Variants in EPN1 observed in about 807,000 individuals in gnomAD.
EPN1 encodes epsin 1, also known as epsin-1.
EPN1 carries 25 observed loss-of-function variants against 56.9 expected under a neutral mutation model. The ratio of observed to expected loss-of-function variants is 0.44; its 90% CI spans 0.32 to 0.61. EPN1 has a LOEUF of 0.61. Ranked by LOEUF, EPN1 falls within the 20% of genes least tolerant of loss-of-function variation. EPN1 has a pLI of 0.05. For synonymous variants in EPN1, 411 were observed against 361.8 expected (o/e 1.14, Z -1.54); for missense variants, 785 against 823.7 (o/e 0.95, Z 0.58).
chr19:55,699,091 G>A lies in EPN1; in HGVS notation c.*3735G>A, dbSNP rs1237700933. The A allele has an allele frequency of 6.6e-6, 1 of 152,082 alleles. No homozygotes were observed. The highest frequency in any genetic ancestry group is 2.4e-5 in the African/African-American group (1 of 41,388). 9.4% of individuals were successfully genotyped at this position (152,082 alleles called of 1,614,324 possible). ...TTTTTATTATACTTTAAGTTCTAGG[G>A]TACCTATGCACAACGCGCAGGTTTG... On this transcript the variant is annotated 3_prime_UTR_variant, in exon 11 of 11. Coordinates refer to ENST00000270460, the MANE Select transcript of EPN1 (RefSeq NM_001130072.2).
rs1371435187 is a variant in EPN1, at chr19:55,698,082, C to T, written c.*2726C>T. On this transcript the variant is annotated 3_prime_UTR_variant, in exon 11 of 11. Transcript: ENST00000270460. ...AAGGCAGGCCAGGGTGATCAGAGGTCACCTGGGGATGGTGGAGGCTGAAGA... is the reference window on the plus strand; with the variant it reads ...AAGGCAGGCCAGGGTGATCAGAGGTTACCTGGGGATGGTGGAGGCTGAAGA... 1 of 148,468 alleles carries T rather than the reference C, an allele frequency of 6.7e-6. No homozygotes were observed. Among genetic ancestry groups the T allele is most frequent in the Non-Finnish European group, 1.5e-5 (1 of 67,518 alleles). 9.2% of individuals were successfully genotyped at this position (148,468 alleles called of 1,614,324 possible).
intron 3 of EPN1, among the ~76,000 whole-genome samples, chr19:55,688,252 A>C (rs982312053): frequency 7.9e-5 from 12 of 151,972 alleles, no homozygotes; most frequent in Non-Finnish European, 1.5e-5. Context: ...GGTTGCTGAG[A>C]GGATGCTGCA....
intron 6 of EPN1, among the ~76,000 whole-genome samples, 153 bp downstream of exon 6, chr19:55,690,103 C>T (rs1267867115): frequency 6.6e-6 from 1 of 152,240 alleles, no homozygotes; most frequent in South Asian, 2.1e-4. Flanking sequence ...CCTCTCTGTG[C>T]CTCTCCCTCC....
intron 1 of EPN1, chr19:55,677,632 G>A (rs1286026446): frequency 1.3e-6 from 2 of 1,551,652 alleles, no homozygotes; most frequent in African/African-American, 1.4e-5. Context: ...CAGGGACCCA[G>A]GCAGTGGGGC....
In EPN1 at chr19:55,695,306, A is replaced by G. The variant is rs755464988; in HGVS notation, c.1681A>G (p.Met561Val). 3.2e-6 allele frequency: 5 copies of G among 1,543,664 alleles called. No individual in the cohort carries two copies. The highest frequency in any genetic ancestry group is 1.7e-4 in the Middle Eastern group (1 of 5,888). Residue 561 changes from methionine (M) to valine (V), a missense_variant, in exon 11 of 11, where the codon ATG becomes GTG. Coordinates refer to ENST00000270460, the MANE Select transcript of EPN1 (RefSeq NM_001130072.2). This position sits in a 1 kb window ranked among gnomAD's most constrained non-coding sequence, Gnocchi z 4.4. ...PLGGGPGLPP[M>V]MPPGPPAPNT... is the part of the protein sequence containing the mutation. The stretch of plus-strand genomic sequence containing the variant: ...TGGCGGGGGCCCTGGCCTGCCCCCC[A>G]TGATGCCCCCGGGCCCCCCGGCCCC...
intron 6 of EPN1, among the ~76,000 whole-genome samples, chr19:55,690,222 C>T (rs1006068441): frequency 1.3e-5 from 2 of 152,258 alleles, no homozygotes; most frequent in Non-Finnish European, 2.9e-5. Context: ...CCACCGGCCG[C>T]CACAGCTGAA....
rs1985930728 is a variant in EPN1, at chr19:55,683,056, G to GT, written c.229-2334dup. On this transcript the variant is annotated intron_variant, in intron 2 of 10. Coordinates refer to ENST00000270460, the MANE Select transcript of EPN1 (RefSeq NM_001130072.2). The stretch of plus-strand genomic sequence containing the variant: ...AGGTGTGAGCCACCGCGCCCAGCCT[G>GT]TTTTTTGTTTTTTCTTGAAATGGAG... Among the ~76,000 whole-genome samples the GT allele has an allele frequency of 2.7e-5, 4 of 150,246 alleles. No individual in the cohort carries two copies. In the South Asian group the frequency reaches 6.3e-4, roughly 24 times the overall value.
At position 55,695,704 on chromosome 19, in the gene EPN1, G is replaced by A. The variant is rs1170857155; in HGVS notation, c.*348G>A. 2.1e-5 allele frequency: 6 copies of A among 280,670 alleles called. No homozygotes were observed. In the East Asian group the frequency reaches 3.4e-4, roughly 16 times the overall value. 17.4% of individuals were successfully genotyped at this position (280,670 alleles called of 1,614,324 possible). ...CTCACGCACCCGCTCACGCACCCTC[G>A]GTGAATCCTTGGTGATGATTTTGGC... is the stretch of plus-strand genomic sequence containing the variant. On this transcript the variant is annotated 3_prime_UTR_variant, in exon 11 of 11. Transcript: ENST00000270460. The surrounding 1 kb of genome is among the most constrained non-coding windows in gnomAD (Gnocchi z 4.4).
In EPN1 at chr19:55,703,432, T is replaced by A. The variant is rs1172578590; in HGVS notation, c.*8076T>A. ...TCTGCCTCCCGGGTTTAAGCGATTC[T>A]CCTGCTTCAGCCTCTCAAGTAGCTG... On this transcript the variant is annotated 3_prime_UTR_variant, in exon 11 of 11. Coordinates refer to ENST00000270460, the MANE Select transcript of EPN1 (RefSeq NM_001130072.2). 6.6e-6 allele frequency: 1 copy of A among 152,250 alleles called. No homozygotes were observed. The highest frequency in any genetic ancestry group is 1.5e-5 in the Non-Finnish European group (1 of 68,114). The allele number at this position is 152,250 out of a possible 1,614,324, so 9.4% of individuals were successfully genotyped here.
rs1475899222 is a variant in EPN1 at position 55,708,595 on chromosome 19, A to G, written c.*13239A>G. The G allele has an allele frequency of 3.6e-5, 7 of 194,308 alleles. No individual in the cohort carries two copies. Among genetic ancestry groups the G allele is most frequent in the Non-Finnish European group, 7.3e-5 (7 of 96,138 alleles). The allele number at this position is 194,308 out of a possible 1,614,324, so 12.0% of individuals were successfully genotyped here. On this transcript the variant is annotated 3_prime_UTR_variant, in exon 11 of 11. Coordinates refer to ENST00000270460, the MANE Select transcript of EPN1 (RefSeq NM_001130072.2). The stretch of plus-strand genomic sequence containing the variant: ...GTGGTGCCTACAAATGCATGCTCCT[A>G]CACACCAAGACATCCATTAAGAAAA...
intron 2 of EPN1, among the ~76,000 whole-genome samples, chr19:55,685,113 ATGAT>A (rs1392446459): frequency 6.6e-6 from 1 of 152,234 alleles, no homozygotes; most frequent in Non-Finnish European, 1.5e-5. Flanking sequence ...CCCATTCTGG[ATGAT>A]TCACGTCGAT....
chr19:55,683,116 T>C (rs2122177038), intron 2 of EPN1, among the ~76,000 whole-genome samples: 2 of 151,140 alleles, frequency 1.3e-5, no homozygotes, highest in East Asian at 3.9e-4. Flanking sequence ...AGTGCAGTGG[T>C]GCTATCTTGG....
intron 2 of EPN1, 21 bp from the exon 3 acceptor site, chr19:55,685,375 C>T (rs1986096227): frequency 1.2e-6 from 2 of 1,604,186 alleles, no homozygotes; most frequent in African/African-American, 2.7e-5. Flanking sequence ...GCTGACCGGG[C>T]ATCCCCGTGC....
rs1987188416 is a variant in EPN1 at position 55,702,455 on chromosome 19, TAGGCCCACTGTTTTC to T, written c.*7101_*7115del. ...TAAAGAAAGGGAAAGGAATGTGCTT[TAGGCCCACTGTTTTC>T]ACTGGGGCCCATCTATGTATGTGGC... On this transcript the variant is annotated 3_prime_UTR_variant, in exon 11 of 11. Transcript: ENST00000270460. 1.3e-5 allele frequency: 2 copies of T among 152,284 alleles called. No individual in the cohort carries two copies. Among genetic ancestry groups the T allele is most frequent in the Non-Finnish European group, 2.9e-5 (2 of 68,066 alleles). The allele number at this position is 152,284 out of a possible 1,614,324, so 9.4% of individuals were successfully genotyped here. A position where few individuals can be genotyped will look rare whatever the true frequency, so the allele number is the denominator to read the frequency against.
rs1397212456 is a variant in EPN1, at chr19:55,693,945, A to G, written c.1265-781A>G. Among the ~76,000 whole-genome samples, 5 of 152,242 alleles carry G rather than the reference A, an allele frequency of 3.3e-5. No individual in the cohort carries two copies. The East Asian group carries it at 7.8e-4, about 24-fold the overall frequency. On this transcript the variant is annotated intron_variant, in intron 9 of 10. Coordinates refer to ENST00000270460, the MANE Select transcript of EPN1 (RefSeq NM_001130072.2). ...TAAAAGGAAAATCAGGCCAGGCGCA[A>G]TGGCTCACGCCTGTAATCCCAGCAC...
In EPN1 at chr19:55,704,136, C is replaced by G. The variant is rs1020870203; in HGVS notation, c.*8780C>G. The G allele has an allele frequency of 1.4e-4, 21 of 152,480 alleles. No homozygotes were observed. The highest frequency in any genetic ancestry group is 4.6e-4 in the African/African-American group (19 of 41,436). The allele number at this position is 152,480 out of a possible 1,614,324, so 9.4% of individuals were successfully genotyped here. The stretch of plus-strand genomic sequence containing the variant: ...CGGTCTCCTCCTGGTCCCCACCTTC[C>G]AGCCCAGCGCGCACACTAGACGGCA... On this transcript the variant is annotated 3_prime_UTR_variant, in exon 11 of 11. Coordinates refer to ENST00000270460, the MANE Select transcript of EPN1 (RefSeq NM_001130072.2).
chr19:55,679,851 G>T (rs1186288391), intron 2 of EPN1, among the ~76,000 whole-genome samples: 1 of 152,192 alleles, frequency 6.6e-6, no homozygotes, highest in Non-Finnish European at 1.5e-5. Context: ...GGGCTGGGTG[G>T]CGTTTGTTTA....
chr19:55,683,203 A>AC (rs1985941084), intron 2 of EPN1, among the ~76,000 whole-genome samples: 1 of 142,912 alleles, frequency 7.0e-6, no homozygotes. Context: ...TTACAGGCGC[A>AC]TGCCACAATG....
chr19:55,692,003 C>A lies in EPN1; in HGVS notation c.1012C>A (p.Pro338Thr). The stretch of plus-strand genomic sequence containing the variant: ...CTCAGTTGACCCTTGGGGTGGGACC[C>A]CAGCCCCTGCAGCTGGGGAGGGGCC... ...GPSVDPWGGT[P>T]APAAGEGPTP... Residue 338 changes from proline (P) to threonine (T), a missense_variant, in exon 7 of 11, where the codon CCA becomes ACA. Coordinates refer to ENST00000270460, the MANE Select transcript of EPN1 (RefSeq NM_001130072.2). The A allele has an allele frequency of 6.8e-7, 1 of 1,480,176 alleles. No individual in the cohort carries two copies. Among genetic ancestry groups the A allele is most frequent in the East Asian group, 2.4e-5 (1 of 41,800 alleles). 91.7% of individuals were successfully genotyped at this position (1,480,176 alleles called of 1,614,324 possible).
Sources: allele counts gnomAD v4.1 joint callset (sites outside exome capture counted in the v4.1 genomes callset), GRCh38; gene constraint gnomAD v4.1.1; non-coding constraint Gnocchi (gnomAD v3.1); transcripts MANE v1.5; gene names NCBI Gene and HGNC (gene_info 2026-07-23, HGNC 2026-07-21).